The following ROCK2 variants were observed in gnomAD, a reference collection of about 807,000 sequenced individuals.
The protein encoded by ROCK2 is rho-associated protein kinase 2.
A neutral mutation model predicts 195.1 loss-of-function variants in ROCK2; 61 were observed. The ratio of observed to expected loss-of-function variants is 0.31; its 90% CI spans 0.25 to 0.39. The LOEUF (loss-of-function observed/expected upper bound fraction) is 0.39, where lower values mean the gene tolerates loss of function less well. Among genes scored for constraint, ROCK2 ranks in the 10% least tolerant of loss-of-function variants. The probability of loss-of-function intolerance (pLI) is 1.00; values close to 1 mark genes in which losing one functional copy is unlikely to be tolerated. For synonymous variants in ROCK2, 504 were observed against 545.5 expected, an observed-to-expected ratio of 0.92 and a Z score of 1.06; for missense variants, 1,109 against 1,637.4, an observed-to-expected ratio of 0.68 and a Z score of 5.57.
intron 1 of ROCK2, 29 bp from the exon 2 acceptor site, chr2:11,287,765 A>G: frequency 2.2e-6 from 2 of 927,258 alleles, no homozygotes; most frequent in Non-Finnish European, 3.1e-6. Flanking sequence ...AGGAAATGAC[A>G]GTTTTTACAA....
At chr2:11,202,341 T>A (rs1663886327) in intron 20 of ROCK2, among the ~76,000 whole-genome samples, 1 of 152,148 alleles carries the variant, frequency 6.6e-6, no homozygotes, top group African/African-American at 2.4e-5. Flanking sequence ...ACATGACTTG[T>A]AATTACATCA....
intron 3 of ROCK2, among the ~76,000 whole-genome samples, chr2:11,259,767 A>T (rs538528157): frequency 2.4e-4 from 36 of 151,476 alleles, no homozygotes; most frequent in South Asian, 6.2e-4. Context: ...TGTAAAAAAA[A>T]TTTTTTGAAA....
chr2:11,320,621 A>C (rs1028778793), intron 1 of ROCK2, among the ~76,000 whole-genome samples: 21 of 152,222 alleles, frequency 1.4e-4, no homozygotes, highest in African/African-American at 5.1e-4. Flanking sequence ...TAGGGAGTTA[A>C]AATATCTAGA....
intron 3 of ROCK2, among the ~76,000 whole-genome samples, chr2:11,259,403 T>A (rs189408174): frequency 4.0e-5 from 6 of 151,424 alleles, no homozygotes; most frequent in Non-Finnish European, 8.8e-5. Flanking sequence ...AAAACATTCA[T>A]AAGCACTCTG....
chr2:11,239,160 G>C (rs1364229056), intron 4 of ROCK2, among the ~76,000 whole-genome samples: 1 of 151,648 alleles, frequency 6.6e-6, no homozygotes, highest in Non-Finnish European at 1.5e-5. Context: ...ATTAGACAAA[G>C]GTTTCTTAGA....
At chr2:11,199,832 CTA>C (rs1429879056) in intron 23 of ROCK2, among the ~76,000 whole-genome samples, 2 of 152,104 alleles carry the variant, frequency 1.3e-5, no homozygotes, top group Non-Finnish European at 2.9e-5. Context: ...GCCTAAATTT[CTA>C]TAGTGTATTT....
intron 1 of ROCK2, among the ~76,000 whole-genome samples, chr2:11,299,802 T>G (rs1667650495): frequency 1.3e-5 from 2 of 152,208 alleles, no homozygotes; most frequent in Admixed American, 1.3e-4. Flanking sequence ...AAAAATGTTC[T>G]TCTCAACAGA....
At chr2:11,335,212 C>A (rs1376577325) in intron 1 of ROCK2, among the ~76,000 whole-genome samples, 3 of 151,552 alleles carry the variant, frequency 2.0e-5, no homozygotes, top group Admixed American at 1.3e-4. Flanking sequence ...GACCCAAATG[C>A]TTTTTGAAAA....
At chr2:11,253,159 C>G (rs1282721128) in intron 3 of ROCK2, among the ~76,000 whole-genome samples, 1 of 151,764 alleles carries the variant, frequency 6.6e-6, no homozygotes, top group East Asian at 1.9e-4. Flanking sequence ...ATATAGTTAC[C>G]CTATTCAGCG....
Position 11,338,300 on chromosome 2 carries a change from C to T in ROCK2, c.141+5696G>A, listed in dbSNP as rs183178088. Among the ~76,000 whole-genome samples the T allele has an allele frequency of 2.2e-3, 341 of 152,262 alleles. 3 individuals are homozygous for T. Among genetic ancestry groups the T allele is most frequent in the African/African-American group, 8.0e-3 (332 of 41,544 alleles). On this transcript the variant is annotated intron_variant, in intron 1 of 32. Coordinates refer to ENST00000315872, the MANE Select transcript of ROCK2 (RefSeq NM_004850.5). ...AGTTGAAGGTTATAGTGCGCTATGA[C>T]TACACCACTGCATCCCAGCCTGAGC...
intron 3 of ROCK2, among the ~76,000 whole-genome samples, chr2:11,261,007 T>C (rs1480813772): frequency 2.6e-5 from 4 of 152,248 alleles, no homozygotes; most frequent in African/African-American, 9.6e-5. Flanking sequence ...CTTTCATTTG[T>C]GAGACTGCGT....
intron 1 of ROCK2, among the ~76,000 whole-genome samples, chr2:11,322,336 AAAGTT>A (rs1345338868): frequency 1.3e-5 from 2 of 151,932 alleles, no homozygotes; most frequent in Admixed American, 6.6e-5. Flanking sequence ...AAGAAAAAAT[AAAGTT>A]AAGAAATCAA....
chr2:11,313,484 G>A (rs980413365), intron 1 of ROCK2, among the ~76,000 whole-genome samples: 111 of 151,758 alleles, frequency 7.3e-4, no homozygotes, highest in African/African-American at 2.6e-3. Flanking sequence ...TATTTTTGTC[G>A]TTTGCATTTC....
chr2:11,278,969 G>A (rs1249611369), intron 3 of ROCK2, among the ~76,000 whole-genome samples: 3 of 150,178 alleles, frequency 2.0e-5, no homozygotes, highest in Admixed American at 6.6e-5. Flanking sequence ...AAACTCTAGG[G>A]CAAACACTAA....
intron 20 of ROCK2, among the ~76,000 whole-genome samples, chr2:11,204,886 G>A (rs1663994494): frequency 6.6e-6 from 1 of 152,012 alleles, no homozygotes; most frequent in Non-Finnish European, 1.5e-5. Flanking sequence ...TTTCCTCCGG[G>A]GGCACTTTTC....
At chr2:11,247,817 C>T (rs542310482) in intron 4 of ROCK2, among the ~76,000 whole-genome samples, 6 of 152,126 alleles carry the variant, frequency 3.9e-5, no homozygotes, top group African/African-American at 1.2e-4. Flanking sequence ...GTCAGGAGTT[C>T]GAGACCAGCC....
intron 6 of ROCK2, among the ~76,000 whole-genome samples, chr2:11,226,090 T>C (rs892684892): frequency 1.3e-5 from 2 of 152,234 alleles, no homozygotes; most frequent in African/African-American, 4.8e-5. Flanking sequence ...TCTCTAATTC[T>C]AAAAAGTATA....
At chr2:11,298,886 T>C (rs914347022) in intron 1 of ROCK2, among the ~76,000 whole-genome samples, 1 of 152,152 alleles carries the variant, frequency 6.6e-6, no homozygotes, top group African/African-American at 2.4e-5. Context: ...TCTTTCCCTA[T>C]TGTCAGAATT....
chr2:11,257,430 A>G (rs1405555698), intron 3 of ROCK2, among the ~76,000 whole-genome samples: 1 of 151,562 alleles, frequency 6.6e-6, no homozygotes, highest in Non-Finnish European at 1.5e-5. Context: ...CCTTTGCCAC[A>G]GCTTCAGGTT....
Sources: allele counts gnomAD v4.1 joint callset (sites outside exome capture counted in the v4.1 genomes callset), GRCh38; gene constraint gnomAD v4.1.1; transcripts MANE v1.5; gene names NCBI Gene and HGNC (gene_info 2026-07-23, HGNC 2026-07-21).